Variants in WRAP53 observed in about 807,000 individuals in gnomAD.
The protein encoded by WRAP53 is telomerase Cajal body protein 1.
WRAP53 carries 28 observed loss-of-function variants against 56.6 expected under a neutral mutation model. The observed-to-expected ratio is 0.50, with a 90% CI of 0.37 to 0.68. WRAP53 has a LOEUF of 0.68. Ranked by LOEUF, WRAP53 falls within the 30% of genes least tolerant of loss-of-function variation. The pLI, the probability that WRAP53 is intolerant of heterozygous loss-of-function variation, is 0.00. For synonymous variants in WRAP53, 283 were observed against 283.4 expected (o/e 1.00, Z 0.01); for missense variants, 671 against 715.5 (o/e 0.94, Z 0.71).
intron 4 of WRAP53, among the ~76,000 whole-genome samples, chr17:7,694,242 C>CTTTTTTTTTTTTTTTTT (rs749740076): frequency 6.5e-5 from 8 of 122,618 alleles, no homozygotes; most frequent in Non-Finnish European, 1.1e-4. Context: ...TTTTTTCTTT[C>CTTTTTTTTTTTTTTTTT]TTTTTTTTTT....
rs2074061272 is a variant in WRAP53 at position 7,688,883 on chromosome 17, C to G, written c.235C>G (p.Leu79Val). The change falls in exon 2 of 11, where the codon CTG becomes GTG. Residue 79 changes from leucine (L) to valine (V), a missense_variant. Leu to Val is a conservative substitution (Grantham distance 32). This residue lies in a region of WRAP53 where 406 missense variants were observed against 418.5 expected (regional missense o/e 0.97). Coordinates refer to ENST00000396463, the MANE Select transcript of WRAP53 (RefSeq NM_001143992.2). Reference protein sequence around the residue: ...EGDPVSLSTPLETEFGSPSEL... With the variant: ...EGDPVSLSTPVETEFGSPSEL... ...GGACCCAGTTTCTCTCTCCACTCCC[C>G]TGGAAACAGAGTTTGGTTCCCCTAG... The G allele has an allele frequency of 1.2e-6, 2 of 1,614,108 alleles. No homozygotes were observed. Among genetic ancestry groups the G allele is most frequent in the Non-Finnish European group, 1.7e-6 (2 of 1,180,052 alleles).
upstream of WRAP53, chr17:7,688,088 G>GT (rs1218554790): frequency 6.1e-6 from 1 of 164,726 alleles, no homozygotes; most frequent in Non-Finnish European, 1.3e-5. Flanking sequence ...TGGGTAGCAA[G>GT]TAAGAGCTCG....
Position 7,701,795 on chromosome 17 carries a change from C to T in WRAP53, c.955+6C>T. ...CGAGGTCCGAGCCACATTTGGTAAG[C>T]ATCTGTGCCTCCAAGGGAGGAGGAG... On this transcript the variant is annotated splice_donor_region_variant and intron_variant, in intron 7 of 10. Coordinates refer to ENST00000396463, the MANE Select transcript of WRAP53 (RefSeq NM_001143992.2). This position sits in a 1 kb window ranked among gnomAD's most constrained non-coding sequence, Gnocchi z 4.2. The T allele has an allele frequency of 6.2e-7, 1 of 1,613,644 alleles. No homozygotes were observed. The highest frequency in any genetic ancestry group is 2.2e-5 in the East Asian group (1 of 44,868).
chr17:7,689,990 C>T (rs908849287), intron 4 of WRAP53, among the ~76,000 whole-genome samples: 1 of 152,130 alleles, frequency 6.6e-6, no homozygotes, highest in African/African-American at 2.4e-5. Context: ...GCTCTGTCAC[C>T]CAGGCTGGAG....
Position 7,701,564 on chromosome 17 carries a change from ACT to A in WRAP53, c.822+17_822+18del. The A allele has an allele frequency of 4.3e-6, 7 of 1,614,118 alleles. No homozygotes were observed. Among genetic ancestry groups the A allele is most frequent in the Non-Finnish European group, 5.9e-6 (7 of 1,180,004 alleles). ...ACAACCACCTGGTAGGGACCGCCAT[ACT>A]CAGCCCCAGCACTCGTACTGGCCCG... is the stretch of plus-strand genomic sequence containing the variant. On this transcript the variant is annotated intron_variant, in intron 6 of 10. Coordinates refer to ENST00000396463, the MANE Select transcript of WRAP53 (RefSeq NM_001143992.2). This position sits in a 1 kb window ranked among gnomAD's most constrained non-coding sequence, Gnocchi z 4.2.
At chr17:7,697,574 G>A (rs1281555374) in intron 4 of WRAP53, among the ~76,000 whole-genome samples, 2 of 151,666 alleles carry the variant, frequency 1.3e-5, no homozygotes, top group South Asian at 2.1e-4. Flanking sequence ...CATGAGAGTC[G>A]CTTGAACCCA....
rs757761195 is a variant in WRAP53, at chr17:7,702,556, G to A, written c.1164+4G>A. 6.2e-7 allele frequency: 1 copy of A among 1,606,680 alleles called. No individual in the cohort carries two copies. The highest frequency in any genetic ancestry group is 2.2e-5 in the East Asian group (1 of 44,800). On this transcript the variant is annotated splice_donor_region_variant and intron_variant, in intron 8 of 10. Coordinates refer to ENST00000396463, the MANE Select transcript of WRAP53 (RefSeq NM_001143992.2). This position sits in a 1 kb window ranked among gnomAD's most constrained non-coding sequence, Gnocchi z 5.0. ...CTTCTTCTCAGGAGCCCGCAAGGTA[G>A]GGGTCACACCCTGAGAGCCCAAAGC...
In WRAP53 at chr17:7,699,502, T is replaced by G. The variant is rs868516251; in HGVS notation, c.643-1239T>G. On this transcript the variant is annotated intron_variant, in intron 4 of 10. Transcript: ENST00000396463. Reference sequence around the variant, plus strand: ...TATATATATATATATATATATATATTTATATATATATATATATATTTATAT... The same window carrying G: ...TATATATATATATATATATATATATGTATATATATATATATATATTTATAT... Among the ~76,000 whole-genome samples, 4 of 11,764 alleles carry G rather than the reference T, an allele frequency of 3.4e-4. 1 individual carries two copies. Among genetic ancestry groups the G allele is most frequent in the African/African-American group, 1.9e-3 (4 of 2,096 alleles). 7.7% of individuals were successfully genotyped at this position (11,764 alleles called of 152,430 possible).
chr17:7,692,397 A>G (rs917800293), intron 4 of WRAP53, among the ~76,000 whole-genome samples: 5 of 151,528 alleles, frequency 3.3e-5, no homozygotes, highest in Non-Finnish European at 7.4e-5. Flanking sequence ...AGGCAGGTGG[A>G]TCACCTGAGG....
Position 7,694,895 on chromosome 17 carries a change from G to T in WRAP53, c.642+5194G>T, listed in dbSNP as rs140536890. 1.6e-3 allele frequency among the ~76,000 whole-genome samples: 237 copies of T among 145,996 alleles called. 1 individual carries two copies. Among genetic ancestry groups the T allele is most frequent in the African/African-American group, 5.9e-3 (230 of 39,106 alleles). On this transcript the variant is annotated intron_variant, in intron 4 of 10. Coordinates refer to ENST00000396463, the MANE Select transcript of WRAP53 (RefSeq NM_001143992.2). ...TTCCTGCTAGTGTACCAGTTCTATC[G>T]CAACCTCTCTCATTAGGTATTTTCA...
At position 7,700,727 on chromosome 17, in the gene WRAP53, C is replaced by T. The variant is rs755295065; in HGVS notation, c.643-14C>T. 3.1e-6 allele frequency: 5 copies of T among 1,603,142 alleles called. No individual in the cohort carries two copies. Among genetic ancestry groups the T allele is most frequent in the Non-Finnish European group, 4.3e-6 (5 of 1,170,484 alleles). ...CCCTCCGAGTGACTCAGCCATTCCC[C>T]CGTCTCTGTATAGGTCCCTGTCCTT... On this transcript the variant is annotated splice_polypyrimidine_tract_variant and intron_variant, in intron 4 of 10. Coordinates refer to ENST00000396463, the MANE Select transcript of WRAP53 (RefSeq NM_001143992.2).
At chr17:7,692,282 C>A (rs2074121510) in intron 4 of WRAP53, among the ~76,000 whole-genome samples, 1 of 151,986 alleles carries the variant, frequency 6.6e-6, no homozygotes, top group Non-Finnish European at 1.5e-5. Flanking sequence ...GAGTTTTAGA[C>A]CAGCCTGGCC....
chr17:7,702,448 T>G lies in WRAP53; in HGVS notation c.1060T>G (p.Trp354Gly). ...CGGCCGCTCCCTGGGTCTGTATGCC[T>G]GGGATGATGGCTCCCCTCTCGCCTT... ...SYGRSLGLYA[W>G]DDGSPLALLG... is the part of the protein sequence containing the mutation. Residue 354 changes from tryptophan to glycine, a missense_variant, in exon 8 of 11, where the codon TGG becomes GGG. Trp to Gly is a radical substitution (Grantham distance 184). This residue lies in a region of WRAP53 where 158 missense variants were observed against 215.7 expected (regional missense o/e 0.73). Transcript: ENST00000396463. The surrounding 1 kb of genome is among the most constrained non-coding windows in gnomAD (Gnocchi z 5.0). The G allele has an allele frequency of 6.2e-7, 1 of 1,614,042 alleles. No individual in the cohort carries two copies. The highest frequency in any genetic ancestry group is 1.1e-5 in the South Asian group (1 of 91,082).
At chr17:7,700,491 A>C (rs2074259087) in intron 4 of WRAP53, among the ~76,000 whole-genome samples, 5 of 151,838 alleles carry the variant, frequency 3.3e-5, no homozygotes, top group East Asian at 1.9e-4. Flanking sequence ...CTATTAAAAA[A>C]AAAAACAAAA....
upstream of WRAP53, chr17:7,688,449 C>T (rs990211123): frequency 1.0e-4 from 62 of 613,184 alleles, no homozygotes; most frequent in Admixed American, 1.1e-3. Context: ...GCAAGAGGCC[C>T]GTAGCGACCC....
chr17:7,702,245 C>G lies in WRAP53; in HGVS notation c.956-99C>G. On this transcript the variant is annotated intron_variant, in intron 7 of 10. Transcript: ENST00000396463. The surrounding 1 kb of genome is among the most constrained non-coding windows in gnomAD (Gnocchi z 5.0). The stretch of plus-strand genomic sequence containing the variant: ...GACAGCATGGGGGGGATGTTGAGTC[C>G]AAGCATGTTGGTGCTGGGACGGGAG... 1 of 1,318,870 alleles carries G rather than the reference C, an allele frequency of 7.6e-7. No homozygotes were observed. 81.7% of individuals were successfully genotyped at this position (1,318,870 alleles called of 1,614,324 possible).
intron 4 of WRAP53, among the ~76,000 whole-genome samples, chr17:7,691,698 G>A (rs2074112193): frequency 6.6e-6 from 1 of 150,892 alleles, no homozygotes; most frequent in Admixed American, 6.6e-5. Flanking sequence ...CTTAATTTTT[G>A]TATTTTTAGT....
chr17:7,689,210 C>T lies in WRAP53; in HGVS notation c.432-14C>T, dbSNP rs1175061744. ...TTGGCGACCCAGGTTTATTGTCCCC[C>T]ATCTTCCTTTCAGCGCTTGGAACTA... On this transcript the variant is annotated splice_polypyrimidine_tract_variant and intron_variant, in intron 2 of 10. Transcript: ENST00000396463. 8 of 1,613,878 alleles carry T rather than the reference C, an allele frequency of 5.0e-6. No homozygotes were observed. In the South Asian group the frequency reaches 6.6e-5, roughly 13 times the overall value.
chr17:7,688,737 C>T lies in WRAP53; in HGVS notation c.89C>T (p.Ser30Phe). 1.9e-6 allele frequency: 3 copies of T among 1,614,196 alleles called. No homozygotes were observed. The highest frequency in any genetic ancestry group is 2.5e-6 in the Non-Finnish European group (3 of 1,180,040). The change falls in exon 2 of 11, where the codon TCC becomes TTC. Residue 30 changes from serine (S) to phenylalanine (F), a missense_variant. By Grantham distance (155) the Ser-to-Phe change is radical (BLOSUM62 -2). This residue lies in a region of WRAP53 where 406 missense variants were observed against 418.5 expected (regional missense o/e 0.97). Coordinates refer to ENST00000396463, the MANE Select transcript of WRAP53 (RefSeq NM_001143992.2). The stretch of plus-strand genomic sequence containing the variant: ...CCAGCCCATCCTTCTCCCCACGCTT[C>T]CCCGATGAATAAAAATGCGGACTCT... Reference protein sequence around the residue: ...PAPAHPSPHASPMNKNADSEL... With the variant: ...PAPAHPSPHAFPMNKNADSEL...
Sources: gnomAD v4.1 joint callset for allele counts (sites outside exome capture counted in the v4.1 genomes callset) on GRCh38, gnomAD v4.1.1 for gene constraint, gnomAD v4.1.1 regional missense constraint, Gnocchi (gnomAD v3.1) non-coding constraint, MANE v1.5 for transcripts, NCBI Gene and HGNC (gene_info 2026-07-23, HGNC 2026-07-21) for gene names.